The following ZC3H12B variants were observed in gnomAD, a reference collection of about 807,000 sequenced individuals.
ZC3H12B encodes probable ribonuclease ZC3H12B.
Under a neutral mutation model 43.9 loss-of-function variants are expected in ZC3H12B, and 7 were observed. The ratio of observed to expected loss-of-function variants is 0.16; its 90% CI spans 0.09 to 0.30. ZC3H12B has a LOEUF of 0.30. ZC3H12B is among the 10% of genes least tolerant of loss of function. The pLI, the probability that ZC3H12B is intolerant of heterozygous loss-of-function variation, is 1.00. For missense variants in ZC3H12B, 475 were observed against 670.2 expected (o/e 0.71, Z 3.22); for synonymous variants, 222 against 241.7 (o/e 0.92, Z 0.76).
chrX:65,105,217 C>T, the ZC3H12B span, among the ~76,000 whole-genome samples: 1 of 109,203 alleles, frequency 9.2e-6, no homozygotes, highest in Non-Finnish European at 1.9e-5. Flanking sequence ...AACACATGGA[C>T]ACCGCAAGGG....
the ZC3H12B span, among the ~76,000 whole-genome samples, chrX:65,123,239 C>T: frequency 1.4e-4 from 16 of 111,570 alleles, no homozygotes; most frequent in Admixed American, 3.8e-4. Context: ...TATTGATTTG[C>T]GTATGTTGAA....
At chrX:65,274,857 C>A in the ZC3H12B span, among the ~76,000 whole-genome samples, 3 of 111,857 alleles carry the variant, frequency 2.7e-5, no homozygotes, top group Admixed American at 2.8e-4. Flanking sequence ...AACCTATGTC[C>A]TGGACCTAAG....
the ZC3H12B span, among the ~76,000 whole-genome samples, chrX:65,149,167 G>A: frequency 9.0e-6 from 1 of 111,104 alleles, no homozygotes; most frequent in Non-Finnish European, 1.9e-5. Context: ...CCTTAAGCTT[G>A]GAGGAAAGAT....
chrX:65,193,655 T>A, the ZC3H12B span, among the ~76,000 whole-genome samples: 2 of 112,044 alleles, frequency 1.8e-5, no homozygotes, highest in Non-Finnish European at 3.8e-5. Flanking sequence ...ATTTTTATTA[T>A]TTCTTCTACT....
intron 3 of ZC3H12B, among the ~76,000 whole-genome samples, chrX:65,460,744 A>G (rs1314953668): frequency 1.8e-5 from 2 of 111,837 alleles, no homozygotes; most frequent in Non-Finnish European, 3.8e-5. Context: ...TAGACCTAAA[A>G]CCATAAAAAC....
chrX:65,383,041 C>T (rs934990899), intron 2 of ZC3H12B, among the ~76,000 whole-genome samples: 2 of 111,009 alleles, frequency 1.8e-5, no homozygotes, highest in African/African-American at 3.3e-5. Flanking sequence ...AGGTAATTTA[C>T]AGATTCAATG....
the ZC3H12B span, among the ~76,000 whole-genome samples, chrX:65,121,297 G>C: frequency 9.0e-6 from 1 of 111,272 alleles, no homozygotes; most frequent in East Asian, 2.9e-4. Context: ...TTTTTGGTTG[G>C]TAAGGTATTA....
the ZC3H12B span, among the ~76,000 whole-genome samples, chrX:65,307,527 C>T: frequency 1.8e-5 from 2 of 111,531 alleles, no homozygotes; most frequent in African/African-American, 6.5e-5. Flanking sequence ...GTTTTACAGC[C>T]TATTAGTGAA....
the ZC3H12B span, among the ~76,000 whole-genome samples, chrX:65,100,964 A>T: frequency 8.9e-6 from 1 of 111,814 alleles, no homozygotes; most frequent in Non-Finnish European, 1.9e-5. Context: ...ACCACATAGC[A>T]GTTACTCTAA....
At chrX:65,195,833 G>A in the ZC3H12B span, among the ~76,000 whole-genome samples, 1 of 112,190 alleles carries the variant, frequency 8.9e-6, no homozygotes, top group Non-Finnish European at 1.9e-5. Flanking sequence ...TCCTACTCAG[G>A]GAGTTGGCAG....
At chrX:65,176,714 C>A in the ZC3H12B span, among the ~76,000 whole-genome samples, 2 of 111,681 alleles carry the variant, frequency 1.8e-5, no homozygotes, top group South Asian at 7.6e-4. Context: ...ATGCGCCCTC[C>A]CAAGACTAAA....
chrX:65,335,412 T>G, the ZC3H12B span, among the ~76,000 whole-genome samples: 1 of 112,028 alleles, frequency 8.9e-6, no homozygotes, highest in Non-Finnish European at 1.9e-5. Flanking sequence ...CTTTTTAGCT[T>G]TACCAAAGTT....
rs150733885 is a variant in ZC3H12B at position 65,422,578 on chromosome X, G to A, written n.407+23874G>A. Among the ~76,000 whole-genome samples, 169 of 109,969 alleles carry A rather than the reference G, an allele frequency of 1.5e-3. 1 individual carries two copies. Among genetic ancestry groups the A allele is most frequent in the African/African-American group, 5.0e-3 (150 of 30,223 alleles). Reference sequence around the variant, plus strand: ...ATACTTTAAGCTCTGGGATACATGTGCAGAACGTGCAGGTTTGTTACATAG... The same window carrying A: ...ATACTTTAAGCTCTGGGATACATGTACAGAACGTGCAGGTTTGTTACATAG... On this transcript the variant is annotated intron_variant and non_coding_transcript_variant, in intron 3 of 5. Transcript: ENST00000617377.
At chrX:65,111,786 A>G in the ZC3H12B span, among the ~76,000 whole-genome samples, 6 of 110,672 alleles carry the variant, frequency 5.4e-5, no homozygotes, top group East Asian at 1.7e-3. Context: ...AACTAAATCA[A>G]TAAATGTGTG....
chrX:65,156,045 G>T, the ZC3H12B span, among the ~76,000 whole-genome samples: 16 of 110,032 alleles, frequency 1.5e-4, no homozygotes, highest in Non-Finnish European at 2.1e-4. Context: ...TAATTTCTCT[G>T]TGAATCACTT....
the ZC3H12B span, among the ~76,000 whole-genome samples, chrX:65,240,258 G>C: frequency 9.0e-6 from 1 of 111,485 alleles, no homozygotes; most frequent in Non-Finnish European, 1.9e-5. Flanking sequence ...ATTTTTTGGA[G>C]GTTTAGTTTG....
the ZC3H12B span, among the ~76,000 whole-genome samples, chrX:65,047,723 T>A: frequency 4.9e-4 from 55 of 111,319 alleles, no homozygotes; most frequent in African/African-American, 1.7e-3. Context: ...TGATATATAT[T>A]TTTCCATCCA....
At chrX:65,307,554 A>G in the ZC3H12B span, among the ~76,000 whole-genome samples, 1 of 112,151 alleles carries the variant, frequency 8.9e-6, no homozygotes, top group Non-Finnish European at 1.9e-5. Flanking sequence ...CAACCAGTTA[A>G]TTGGAAACAT....
At chrX:65,329,866 T>C in the ZC3H12B span, among the ~76,000 whole-genome samples, 1 of 104,631 alleles carries the variant, frequency 9.6e-6, no homozygotes, top group Non-Finnish European at 2.0e-5. Flanking sequence ...TGTAGATATG[T>C]GGCATTATTT....
Sources: allele counts gnomAD v4.1 joint callset (sites outside exome capture counted in the v4.1 genomes callset), GRCh38; gene constraint gnomAD v4.1.1; transcripts MANE v1.5; gene names NCBI Gene and HGNC (gene_info 2026-07-23, HGNC 2026-07-21).